The following ARMC6 variants were observed in gnomAD, a reference collection of about 807,000 sequenced individuals.
The protein encoded by ARMC6 is armadillo repeat-containing protein 6.
ARMC6 carries 43 observed loss-of-function variants against 49.2 expected under a neutral mutation model. That is an observed-to-expected ratio of 0.87 (90% CI 0.69 to 1.13). The LOEUF is 1.13. ARMC6 is among the 50% of genes most tolerant of loss of function. The probability of loss-of-function intolerance (pLI) is 0.00; values close to 1 mark genes in which losing one functional copy is unlikely to be tolerated. For synonymous variants in ARMC6, 262 were observed against 289.6 expected (o/e 0.90, Z 0.97); for missense variants, 627 against 682.0 (o/e 0.92, Z 0.90).
chr19:19,054,295 C>G lies in ARMC6; in HGVS notation c.997C>G (p.Gln333Glu). 1 of 1,599,762 alleles carries G rather than the reference C, an allele frequency of 6.3e-7. No homozygotes were observed. Among genetic ancestry groups the G allele is most frequent in the East Asian group, 2.3e-5 (1 of 44,048 alleles). The change falls in exon 6 of 9, where the codon CAG becomes GAG. Residue 333 changes from glutamine (Q) to glutamate (E), a missense_variant. Transcript: ENST00000535612. ...CCTGCTAGCCGACTGCAATGACCAC[C>G]AGATGAGGGACCAGAGCGGCGTTCA... ...VSLLADCNDH[Q>E]MRDQSGVQEL...
At chr19:19,052,354 T>G (rs1264762350) in intron 5 of ARMC6, among the ~76,000 whole-genome samples, 159 bp downstream of exon 5, 1 of 151,724 alleles carries the variant, frequency 6.6e-6, no homozygotes, top group African/African-American at 2.4e-5. Flanking sequence ...TCGTGAAGAG[T>G]CTCCCCATGT....
At chr19:19,046,941 T>TTC (rs1460391769) in intron 4 of ARMC6, among the ~76,000 whole-genome samples, 1 of 100,512 alleles carries the variant, frequency 9.9e-6, no homozygotes, top group African/African-American at 3.7e-5. Flanking sequence ...TTTTTTTTTT[T>TTC]TCTTTTTCTA....
chr19:19,033,654 C>T lies in ARMC6; in HGVS notation c.-356C>T, dbSNP rs1286621592. On this transcript the variant is annotated 5_prime_UTR_variant, in exon 1 of 9. Transcript: ENST00000535612. ...GCTGTCCGCTTCTTCTGGGCGGACG[C>T]TCTGGAGGCAAAACATTTCCCTGCT... 2.2e-5 allele frequency: 20 copies of T among 900,928 alleles called. No individual in the cohort carries two copies. The highest frequency in any genetic ancestry group is 1.7e-4 in the South Asian group (3 of 17,934). 55.8% of individuals were successfully genotyped at this position (900,928 alleles called of 1,614,324 possible).
intron 6 of ARMC6, 151 bp downstream of exon 6, chr19:19,054,472 C>CG (rs935388287): frequency 3.1e-5 from 25 of 797,498 alleles, no homozygotes; most frequent in South Asian, 8.2e-5. Flanking sequence ...AACCAAAGGT[C>CG]GGGGGGGAAA....
At chr19:19,036,572 C>T (rs896657512) in intron 2 of ARMC6, among the ~76,000 whole-genome samples, 1 of 152,148 alleles carries the variant, frequency 6.6e-6, no homozygotes, top group Non-Finnish European at 1.5e-5. Flanking sequence ...GAGTCCCCTA[C>T]TCCTTACTCC....
chr19:19,046,927 G>GTTTTTTTTTTTTTTTTTTT (rs386388691), intron 4 of ARMC6, among the ~76,000 whole-genome samples: 12 of 104,346 alleles, frequency 1.2e-4, no homozygotes, highest in Non-Finnish European at 1.5e-4. Context: ...ATGCTCACCT[G>GTTTTTTTTTTTTTTTTTTT]TTTTTTTTTT....
intron 4 of ARMC6, among the ~76,000 whole-genome samples, chr19:19,051,291 G>C (rs1184648248): frequency 6.6e-6 from 1 of 152,120 alleles, no homozygotes; most frequent in African/African-American, 2.4e-5. Context: ...ATGGCAGGTA[G>C]GGCTGGAATG....
chr19:19,054,011 C>T (rs912111049), intron 5 of ARMC6, 141 bp from the exon 6 acceptor site: 8 of 768,754 alleles, frequency 1.0e-5, no homozygotes, highest in Non-Finnish European at 1.5e-5. Context: ...CCTGGTGTTC[C>T]CTGGGGCCTT....
At chr19:19,053,748 C>T (rs2059519387) in intron 5 of ARMC6, among the ~76,000 whole-genome samples, 1 of 152,148 alleles carries the variant, frequency 6.6e-6, no homozygotes, top group Admixed American at 6.5e-5. Context: ...GCCACGTCAG[C>T]CCAGTCCGTA....
At chr19:19,035,741 C>T (rs945614481) in intron 2 of ARMC6, among the ~76,000 whole-genome samples, 11 of 147,574 alleles carry the variant, frequency 7.5e-5, no homozygotes, top group Admixed American at 6.2e-4. Context: ...ACTGAGAATC[C>T]GAAGTATTTG....
In ARMC6 at chr19:19,054,032, G is replaced by A. The variant is rs967540701; in HGVS notation, c.854-120G>A. The A allele has an allele frequency of 7.7e-5, 79 of 1,022,220 alleles. 1 individual carries two copies. The East Asian group carries it at 2.1e-3, about 27-fold the overall frequency. The allele number at this position is 1,022,220 out of a possible 1,614,324, so 63.3% of individuals were successfully genotyped here. The stretch of plus-strand genomic sequence containing the variant: ...GTTCCCTGGGGCCTTCCTGGTGCCC[G>A]TGGCCACTCCAATAGGCAGAAGGGC... On this transcript the variant is annotated intron_variant, in intron 5 of 8. Transcript: ENST00000535612.
Position 19,055,468 on chromosome 19 carries a change from T to G in ARMC6, c.1155+72T>G. ...TCCCAGTTCAGTTTCTGTATCTGCA[T>G]GAAGCTCTATTCCCCTGCAGGGCCA... On this transcript the variant is annotated intron_variant, in intron 7 of 8. Transcript: ENST00000535612. The surrounding 1 kb of genome is among the most constrained non-coding windows in gnomAD (Gnocchi z 5.7). 4 of 1,522,570 alleles carry G rather than the reference T, an allele frequency of 2.6e-6. No homozygotes were observed. The highest frequency in any genetic ancestry group is 3.5e-6 in the Non-Finnish European group (4 of 1,134,466). 94.3% of individuals were successfully genotyped at this position (1,522,570 alleles called of 1,614,324 possible).
intron 2 of ARMC6, among the ~76,000 whole-genome samples, chr19:19,034,836 A>G (rs1424030236): frequency 2.8e-5 from 4 of 143,252 alleles, no homozygotes; most frequent in African/African-American, 5.2e-5. Flanking sequence ...AGTAGCTGGG[A>G]TTACCGGTGT....
chr19:19,042,845 T>G lies in ARMC6; in HGVS notation c.164T>G (p.Val55Gly), dbSNP rs938449564. 8.7e-6 allele frequency: 14 copies of G among 1,613,804 alleles called. No individual in the cohort carries two copies. In the African/African-American group the frequency reaches 1.6e-4, roughly 18 times the overall value. ...EEFAMGPEEA[V>G]KEAVEQFESQ... The stretch of plus-strand genomic sequence containing the variant: ...TTTGCGATGGGGCCAGAGGAGGCAG[T>G]GAAAGAGGCCGTGGAGCAGTTTGAA... Residue 55 changes from valine (V) to glycine (G), a missense_variant, in exon 3 of 9, where the codon GTG (valine) becomes GGG (glycine). Transcript: ENST00000535612.
At chr19:19,037,735 A>T (rs1312113929) in intron 2 of ARMC6, 4 of 1,109,990 alleles carry the variant, frequency 3.6e-6, no homozygotes, top group East Asian at 9.4e-5. Context: ...ATTAAAATTT[A>T]AAAAGTTGTT....
chr19:19,054,769 C>T (rs150583682), intron 6 of ARMC6, among the ~76,000 whole-genome samples: 215 of 152,328 alleles, frequency 1.4e-3, no homozygotes, highest in African/African-American at 4.9e-3. Context: ...CACGGTCCTG[C>T]GCCCCCAAGC....
At chr19:19,045,752 C>G (rs897923270) in intron 4 of ARMC6, among the ~76,000 whole-genome samples, 5 of 151,060 alleles carry the variant, frequency 3.3e-5, no homozygotes, top group African/African-American at 4.9e-5. Flanking sequence ...CCTGGGCTCA[C>G]GCCATTCTCC....
chr19:19,044,329 T>A (rs1370722100), intron 4 of ARMC6, among the ~76,000 whole-genome samples: 1 of 152,222 alleles, frequency 6.6e-6, no homozygotes, highest in Non-Finnish European at 1.5e-5. Context: ...TCCCTGCTGC[T>A]GGGATCCCAG....
Position 19,051,369 on chromosome 19 carries a change from C to CTG in ARMC6, c.280-252_280-251insGT, listed in dbSNP as rs1249677023. On this transcript the variant is annotated intron_variant, in intron 4 of 8. Coordinates refer to ENST00000535612, the MANE Select transcript of ARMC6 (RefSeq NM_001199196.2). ...CACTGAGTTGTCTGGATCTCTCTCTCTCTCTCTGTGTGTGTGTGTGTGTGT... is the reference window on the plus strand; with the variant it reads ...CACTGAGTTGTCTGGATCTCTCTCTCTGTCTCTCTGTGTGTGTGTGTGTGTGT... Among the ~76,000 whole-genome samples, 41 of 129,400 alleles carry CTG rather than the reference C, an allele frequency of 3.2e-4. 1 individual carries two copies. The highest frequency in any genetic ancestry group is 1.3e-3 in the African/African-American group (38 of 29,610). 84.9% of individuals were successfully genotyped at this position (129,400 alleles called of 152,430 possible).
Sources: gnomAD v4.1 joint callset for allele counts (sites outside exome capture counted in the v4.1 genomes callset) on GRCh38, gnomAD v4.1.1 for gene constraint, Gnocchi (gnomAD v3.1) non-coding constraint, MANE v1.5 for transcripts, NCBI Gene and HGNC (gene_info 2026-07-23, HGNC 2026-07-21) for gene names.